The following CDKAL1 variants were observed in gnomAD, a reference collection of about 807,000 sequenced individuals.
The protein encoded by CDKAL1 is CDKAL1 threonylcarbamoyladenosine tRNA methylthiotransferase.
In CDKAL1, 32 loss-of-function variants were observed where a neutral mutation model predicts 68.2. That is an observed-to-expected ratio of 0.47 (90% CI 0.35 to 0.63). CDKAL1 has a LOEUF of 0.63. CDKAL1 is among the 30% of genes least tolerant of loss of function. The probability of loss-of-function intolerance (pLI) is 0.00; values close to 1 mark genes in which losing one functional copy is unlikely to be tolerated. For synonymous variants in CDKAL1, 234 were observed against 244.3 expected (o/e 0.96, Z 0.39); for missense variants, 606 against 696.7 (o/e 0.87, Z 1.47).
rs113789308 is a variant in CDKAL1 at position 20,746,013 on chromosome 6, G to A, written c.468+6398G>A. ...TTCTGATGTCCCAAACACTGTTTCT[G>A]TGTGTGATTGAGCTTAGCCTGTTGA... is the stretch of plus-strand genomic sequence containing the variant. On this transcript the variant is annotated intron_variant, in intron 6 of 15. Coordinates refer to ENST00000274695, the MANE Select transcript of CDKAL1 (RefSeq NM_017774.3). 1.2e-3 allele frequency among the ~76,000 whole-genome samples: 182 copies of A among 152,264 alleles called. 1 individual carries two copies. The highest frequency in any genetic ancestry group is 6.8e-3 in the Middle Eastern group (2 of 294).
intron 9 of CDKAL1, among the ~76,000 whole-genome samples, chr6:20,898,208 T>A (rs1761792169): frequency 6.6e-6 from 1 of 151,822 alleles, no homozygotes; most frequent in Non-Finnish European, 1.5e-5. Flanking sequence ...TACCTCCCTG[T>A]CTCTTGTTGG....
intron 5 of CDKAL1, among the ~76,000 whole-genome samples, chr6:20,721,239 G>A (rs1772342338): frequency 6.6e-6 from 1 of 151,920 alleles, no homozygotes; most frequent in African/African-American, 2.4e-5. Context: ...GAGATAGTTT[G>A]CTAAGAATGA....
At chr6:20,682,076 C>T (rs781296002) in intron 5 of CDKAL1, among the ~76,000 whole-genome samples, 6 of 152,138 alleles carry the variant, frequency 3.9e-5, no homozygotes, top group Non-Finnish European at 8.8e-5. Flanking sequence ...AGGGTCCCAC[C>T]CTCATGACCT....
intron 12 of CDKAL1, among the ~76,000 whole-genome samples, chr6:21,089,938 G>C (rs926633136): frequency 6.6e-6 from 1 of 152,208 alleles, no homozygotes; most frequent in Non-Finnish European, 1.5e-5. Flanking sequence ...AGGAAGTTAC[G>C]TATGAGCTGA....
intron 4 of CDKAL1, among the ~76,000 whole-genome samples, chr6:20,556,807 G>C (rs574755339): frequency 1.4e-4 from 22 of 152,174 alleles, no homozygotes; most frequent in African/African-American, 5.3e-4. Context: ...GGAGGCTGAG[G>C]CGGGCAGATC....
At chr6:20,647,380 G>T (rs1250300093) in intron 4 of CDKAL1, among the ~76,000 whole-genome samples, 1 of 152,124 alleles carries the variant, frequency 6.6e-6, no homozygotes, top group Non-Finnish European at 1.5e-5. Context: ...TATGCATGTG[G>T]TCCCACACAT....
At chr6:20,668,393 G>A (rs1406185475) in intron 5 of CDKAL1, among the ~76,000 whole-genome samples, 2 of 152,082 alleles carry the variant, frequency 1.3e-5, no homozygotes, top group East Asian at 3.8e-4. Context: ...ATTTACAGGT[G>A]CAGCCATAGC....
At chr6:20,724,441 G>A (rs1772544424) in intron 5 of CDKAL1, among the ~76,000 whole-genome samples, 1 of 151,790 alleles carries the variant, frequency 6.6e-6, no homozygotes, top group East Asian at 1.9e-4. Flanking sequence ...TTGAGACCAG[G>A]TACAGTGGCT....
chr6:20,778,244 C>A (rs1775260258), intron 7 of CDKAL1, among the ~76,000 whole-genome samples: 1 of 151,908 alleles, frequency 6.6e-6, no homozygotes, highest in Non-Finnish European at 1.5e-5. Flanking sequence ...GATGTGACAC[C>A]AAAAGCATGA....
At chr6:20,739,029 G>A (rs1475314085) in intron 5 of CDKAL1, among the ~76,000 whole-genome samples, 2 of 152,086 alleles carry the variant, frequency 1.3e-5, no homozygotes, top group African/African-American at 2.4e-5. Flanking sequence ...GGAGATGGGG[G>A]AATTACTAGC....
At chr6:20,912,996 C>CAA (rs201583965) in intron 9 of CDKAL1, among the ~76,000 whole-genome samples, 3 of 140,028 alleles carry the variant, frequency 2.1e-5, no homozygotes, top group East Asian at 2.0e-4. Context: ...TATATAATGG[C>CAA]AAAAAAAAAA....
chr6:21,208,292 T>A (rs1199283771), intron 15 of CDKAL1, among the ~76,000 whole-genome samples: 1 of 152,160 alleles, frequency 6.6e-6, no homozygotes, highest in African/African-American at 2.4e-5. Context: ...TGTACTGAGT[T>A]TTATGTACAA....
chr6:20,932,541 T>A (rs1262482434), intron 9 of CDKAL1, among the ~76,000 whole-genome samples: 1 of 152,196 alleles, frequency 6.6e-6, no homozygotes, highest in Non-Finnish European at 1.5e-5. Flanking sequence ...TCCTGCTGAC[T>A]CATGAGCCCT....
At chr6:20,891,963 TC>T (rs1302891915) in intron 9 of CDKAL1, among the ~76,000 whole-genome samples, 2 of 151,674 alleles carry the variant, frequency 1.3e-5, no homozygotes, top group Non-Finnish European at 2.9e-5. Flanking sequence ...TACTGCAGCA[TC>T]CTTAGAGTTG....
chr6:20,772,590 T>A (rs1204804290), intron 7 of CDKAL1, among the ~76,000 whole-genome samples: 1 of 152,218 alleles, frequency 6.6e-6, no homozygotes, highest in Non-Finnish European at 1.5e-5. Context: ...TATGTATCCT[T>A]TGTTTAATGT....
At chr6:20,537,276 A>G (rs781659150) in intron 2 of CDKAL1, among the ~76,000 whole-genome samples, 1 of 152,134 alleles carries the variant, frequency 6.6e-6, no homozygotes, top group East Asian at 1.9e-4. Context: ...ACTCTTGGAG[A>G]TTCTAATTCA....
intron 15 of CDKAL1, among the ~76,000 whole-genome samples, chr6:21,205,742 A>G (rs377540351): frequency 2.9e-4 from 43 of 149,754 alleles, no homozygotes; most frequent in East Asian, 1.2e-3. Flanking sequence ...TGTGTTAGCC[A>G]GGATGGTCTC....
chr6:20,631,831 C>T (rs899727843), intron 4 of CDKAL1, among the ~76,000 whole-genome samples: 1 of 152,122 alleles, frequency 6.6e-6, no homozygotes, highest in African/African-American at 2.4e-5. Context: ...GAAGACTTAC[C>T]ATGTTAGGCC....
At chr6:21,223,314 C>A (rs1779604223) in intron 15 of CDKAL1, among the ~76,000 whole-genome samples, 1 of 152,148 alleles carries the variant, frequency 6.6e-6, no homozygotes, top group African/African-American at 2.4e-5. Flanking sequence ...TTTATACTAT[C>A]AGAAATTTGG....
Sources: gnomAD v4.1 joint callset for allele counts (sites outside exome capture counted in the v4.1 genomes callset) on GRCh38, gnomAD v4.1.1 for gene constraint, MANE v1.5 for transcripts, NCBI Gene and HGNC (gene_info 2026-07-23, HGNC 2026-07-21) for gene names.